BBS9: variants seen among roughly 807,000 people sequenced by gnomAD.
BBS9 encodes the protein Bardet-Biedl syndrome 9.
Under a neutral mutation model 117.7 loss-of-function variants are expected in BBS9, and 89 were observed. That is an observed-to-expected ratio of 0.76 (90% CI 0.64 to 0.90). BBS9 has a LOEUF of 0.90. Among genes scored for constraint, BBS9 ranks in the 40% least tolerant of loss-of-function variants. BBS9 has a pLI of 0.00. For synonymous variants in BBS9, 379 were observed against 370.9 expected (o/e 1.02, Z -0.25); for missense variants, 982 against 1,042.2 (o/e 0.94, Z 0.80).
At chr7:33,150,832 A>G (rs1480001373) in intron 2 of BBS9, among the ~76,000 whole-genome samples, 1 of 152,234 alleles carries the variant, frequency 6.6e-6, no homozygotes, top group Admixed American at 6.5e-5. Context: ...CTTAAAATGA[A>G]TAGATGTTTC....
At position 33,516,811 on chromosome 7, in the gene BBS9, T is replaced by C. The variant is rs543747490; in HGVS notation, c.2298+11166T>C. On this transcript the variant is annotated intron_variant, in intron 20 of 22. Transcript: ENST00000242067. ...TTTAAATTTGGTCTATTGCCTAACA[T>C]AGGAAATTTAGGTTTAGATCTCACT... Among the ~76,000 whole-genome samples the C allele has an allele frequency of 1.4e-4, 22 of 152,346 alleles. 1 individual carries two copies. The South Asian group carries it at 4.1e-3, about 29-fold the overall frequency.
chr7:33,632,635 C>G (rs1484947988), intron 21 of BBS9, among the ~76,000 whole-genome samples: 2 of 152,104 alleles, frequency 1.3e-5, no homozygotes. Flanking sequence ...GGCTTCAGAA[C>G]GACCACTGCC....
chr7:33,305,706 G>A (rs910254385), intron 9 of BBS9, among the ~76,000 whole-genome samples: 3 of 151,992 alleles, frequency 2.0e-5, no homozygotes, highest in African/African-American at 4.8e-5. Context: ...GTTGCTCATA[G>A]TACCTCTAAT....
At chr7:33,344,089 T>G (rs1048182848) in intron 11 of BBS9, among the ~76,000 whole-genome samples, 11 of 138,212 alleles carry the variant, frequency 8.0e-5, no homozygotes, top group African/African-American at 3.0e-4. Context: ...TTTTTTTTTT[T>G]TTTTTTTTTT....
intron 19 of BBS9, among the ~76,000 whole-genome samples, chr7:33,388,781 T>A (rs2128758621): frequency 6.6e-6 from 1 of 152,334 alleles, no homozygotes; most frequent in Non-Finnish European, 1.5e-5. Context: ...TTAAAATAAT[T>A]TTAAAAAATC....
At chr7:33,132,035 T>A (rs914412764) in intron 1 of BBS9, among the ~76,000 whole-genome samples, 5 of 152,272 alleles carry the variant, frequency 3.3e-5, no homozygotes, top group Non-Finnish European at 7.3e-5. Flanking sequence ...CTGTTATGCC[T>A]GTTTATAGGA....
chr7:33,434,683 A>G (rs1050775850), intron 19 of BBS9, among the ~76,000 whole-genome samples: 1 of 152,136 alleles, frequency 6.6e-6, no homozygotes, highest in Admixed American at 6.5e-5. Flanking sequence ...CATTCATAGA[A>G]CCATTTAGTG....
At chr7:33,573,217 G>A (rs1858133547) in intron 21 of BBS9, among the ~76,000 whole-genome samples, 1 of 151,710 alleles carries the variant, frequency 6.6e-6, no homozygotes, top group Non-Finnish European at 1.5e-5. Flanking sequence ...AATTTCTCCT[G>A]GTTCTTTTTA....
chr7:33,403,518 A>G (rs900220263), intron 19 of BBS9, among the ~76,000 whole-genome samples: 27 of 125,450 alleles, frequency 2.2e-4, no homozygotes, highest in South Asian at 5.2e-4. Flanking sequence ...TCCTGTGTCC[A>G]TGTGTTCTCA....
chr7:33,296,182 T>C (rs1805236465), intron 9 of BBS9, among the ~76,000 whole-genome samples: 1 of 152,160 alleles, frequency 6.6e-6, no homozygotes, highest in South Asian at 2.1e-4. Context: ...CTTAAACTGA[T>C]GTACTATTGC....
intron 21 of BBS9, among the ~76,000 whole-genome samples, chr7:33,580,863 G>A (rs963415410): frequency 4.6e-5 from 7 of 152,266 alleles, no homozygotes; most frequent in East Asian, 3.9e-4. Flanking sequence ...ACTGAAACCC[G>A]TGATTCAGTA....
intron 10 of BBS9, among the ~76,000 whole-genome samples, chr7:33,338,805 C>T (rs1047715422): frequency 6.6e-5 from 10 of 152,052 alleles, no homozygotes; most frequent in South Asian, 2.1e-4. Context: ...TAGGAACTTT[C>T]GAAGACAGAA....
At chr7:33,352,745 A>G (rs1405553720) in intron 14 of BBS9, 114 bp from the exon 15 acceptor site, 2 of 1,254,822 alleles carry the variant, frequency 1.6e-6, no homozygotes, top group Non-Finnish European at 2.3e-6. Flanking sequence ...GAATCTTGAA[A>G]TTTTAATTTG....
chr7:33,209,403 CAT>C (rs1787585408), intron 5 of BBS9, among the ~76,000 whole-genome samples: 2 of 152,270 alleles, frequency 1.3e-5, no homozygotes, highest in African/African-American at 4.8e-5. Context: ...CTGCAAGAAA[CAT>C]AGGAGTGCAG....
chr7:33,616,159 ATTAG>A (rs1204768862), intron 21 of BBS9, among the ~76,000 whole-genome samples: 1 of 151,378 alleles, frequency 6.6e-6, no homozygotes, highest in Admixed American at 6.6e-5. Flanking sequence ...TTTTATCTTT[ATTAG>A]TTTTGATTGA....
chr7:33,143,049 A>G (rs1791760997), intron 1 of BBS9, among the ~76,000 whole-genome samples: 1 of 151,912 alleles, frequency 6.6e-6, no homozygotes, highest in Non-Finnish European at 1.5e-5. Context: ...GGCTCACTGC[A>G]ACCTCTGCCT....
At chr7:33,188,782 A>G (rs1783572887) in intron 5 of BBS9, among the ~76,000 whole-genome samples, 1 of 152,198 alleles carries the variant, frequency 6.6e-6, no homozygotes, top group South Asian at 2.1e-4. Context: ...GTCATGTTGC[A>G]CTGGAATGAG....
intron 5 of BBS9, among the ~76,000 whole-genome samples, chr7:33,223,920 G>A (rs1790752173): frequency 6.6e-6 from 1 of 152,114 alleles, no homozygotes. Context: ...TTTATAGTTG[G>A]TAAATGTTTG....
chr7:33,588,917 C>A (rs536674128), intron 21 of BBS9, among the ~76,000 whole-genome samples: 1 of 152,182 alleles, frequency 6.6e-6, no homozygotes, highest in East Asian at 1.9e-4. Context: ...GCTGGAGGGA[C>A]CAGATCATGT....
Sources: gnomAD v4.1 joint callset for allele counts (sites outside exome capture counted in the v4.1 genomes callset) on GRCh38, gnomAD v4.1.1 for gene constraint, MANE v1.5 for transcripts, NCBI Gene and HGNC (gene_info 2026-07-23, HGNC 2026-07-21) for gene names.